The following RAD51B variants were observed in gnomAD, a reference collection of about 807,000 sequenced individuals.
The protein encoded by RAD51B is DNA repair protein RAD51 homolog 2.
A neutral mutation model predicts 42.2 loss-of-function variants in RAD51B; 38 were observed. The ratio of observed to expected loss-of-function variants is 0.90; its 90% CI spans 0.70 to 1.18. The LOEUF (loss-of-function observed/expected upper bound fraction) is 1.18, where lower values mean the gene tolerates loss of function less well. Among genes scored for constraint, RAD51B ranks in the 50% most tolerant of loss-of-function variants. The pLI, the probability that RAD51B is intolerant of heterozygous loss-of-function variation, is 0.00. For synonymous variants in RAD51B, 154 were observed against 145.2 expected (o/e 1.06, Z -0.43); for missense variants, 373 against 400.7 (o/e 0.93, Z 0.59).
At chr14:68,206,345 A>T (rs2079584462) in intron 7 of RAD51B, among the ~76,000 whole-genome samples, 1 of 152,190 alleles carries the variant, frequency 6.6e-6, no homozygotes, top group South Asian at 2.1e-4. Flanking sequence ...AGCACTGAGT[A>T]ATCAGTGGGA....
In RAD51B at chr14:68,463,917, G is replaced by T. The variant is rs1278576959; in HGVS notation, c.958-4255G>T. On this transcript the variant is annotated intron_variant, in intron 9 of 10. Transcript: ENST00000471583. ...TTGTTCCACATACTATATCTCCATT[G>T]ATATAACCTGAGAACTTGCTAGATT... is the stretch of plus-strand genomic sequence containing the variant. Among the ~76,000 whole-genome samples, 4 of 152,266 alleles carry T rather than the reference G, an allele frequency of 2.6e-5. No individual in the cohort carries two copies. In the East Asian group the frequency reaches 7.7e-4, roughly 29 times the overall value.
intron 10 of RAD51B, among the ~76,000 whole-genome samples, chr14:68,625,014 T>C (rs1892043636): frequency 6.6e-6 from 1 of 152,156 alleles, no homozygotes; most frequent in African/African-American, 2.4e-5. Context: ...ACTGTTCTTA[T>C]TTTTACTGAT....
intron 7 of RAD51B, among the ~76,000 whole-genome samples, chr14:68,027,310 C>T (rs1035356451): frequency 6.6e-6 from 1 of 152,020 alleles, no homozygotes; most frequent in Non-Finnish European, 1.5e-5. Context: ...AATCTGATGT[C>T]TGTGTGCCTC....
rs1229169566 is a variant in RAD51B at position 68,436,432 on chromosome 14, A to G, written c.957+24905A>G. Among the ~76,000 whole-genome samples the G allele has an allele frequency of 2.0e-5, 3 of 152,140 alleles. No homozygotes were observed. The East Asian group carries it at 5.8e-4, about 29-fold the overall frequency. ...GTTTGGGTTACTGTAGCATTATAGT[A>G]TAGTTTAAAGTCAGGTAATGTGATG... On this transcript the variant is annotated intron_variant, in intron 9 of 10. Transcript: ENST00000471583.
chr14:68,272,667 T>TATATA (rs58531356), intron 7 of RAD51B, among the ~76,000 whole-genome samples: 37 of 4,774 alleles, frequency 7.8e-3, no homozygotes, highest in South Asian at 0.011. Flanking sequence ...ATATATATAT[T>TATATA]TTTTTTTTTT....
chr14:68,500,672 A>C (rs1884855280), intron 10 of RAD51B, among the ~76,000 whole-genome samples: 1 of 152,210 alleles, frequency 6.6e-6, no homozygotes, highest in African/African-American at 2.4e-5. Context: ...GGGGGAGATA[A>C]AGTCAAAACT....
At chr14:68,514,266 C>G (rs1885968711) in intron 10 of RAD51B, among the ~76,000 whole-genome samples, 1 of 152,184 alleles carries the variant, frequency 6.6e-6, no homozygotes, top group Non-Finnish European at 1.5e-5. Flanking sequence ...CTCAGCTGAC[C>G]TATCTAGACC....
intron 7 of RAD51B, among the ~76,000 whole-genome samples, chr14:68,252,888 C>A (rs571605525): frequency 1.3e-5 from 2 of 152,172 alleles, no homozygotes; most frequent in Admixed American, 1.3e-4. Context: ...CGAGACCAGC[C>A]TAGCCAACAT....
At chr14:68,154,707 TTC>T (rs1491352199) in intron 7 of RAD51B, among the ~76,000 whole-genome samples, 1 of 152,140 alleles carries the variant, frequency 6.6e-6, no homozygotes, top group Non-Finnish European at 1.5e-5. Flanking sequence ...TTTTTTTTTT[TTC>T]CCTCATCTCT....
At chr14:68,676,127 CA>C (rs1490188921) in intron 11 of RAD51B, among the ~76,000 whole-genome samples, 7 of 152,212 alleles carry the variant, frequency 4.6e-5, no homozygotes, top group African/African-American at 1.7e-4. Flanking sequence ...TGAGCTCATA[CA>C]CTTGTGTTAA....
At chr14:68,290,812 AT>A in intron 7 of RAD51B, among the ~76,000 whole-genome samples, 1 of 151,612 alleles carries the variant, frequency 6.6e-6, no homozygotes, top group Non-Finnish European at 1.5e-5. Flanking sequence ...TTATTTATTT[AT>A]TTATTTATTT....
At chr14:68,450,686 T>G (rs186625342) in intron 9 of RAD51B, among the ~76,000 whole-genome samples, 1,455 of 145,416 alleles carry the variant, frequency 0.01, 21 homozygotes, top group African/African-American at 0.038. Flanking sequence ...TCCTCATGAC[T>G]CTCTGTTTTG....
At chr14:68,021,394 G>T (rs2075863310) in intron 7 of RAD51B, among the ~76,000 whole-genome samples, 1 of 152,170 alleles carries the variant, frequency 6.6e-6, no homozygotes, top group South Asian at 2.1e-4. Context: ...GCTCTCCCGT[G>T]AGATGGTGTT....
At chr14:68,330,633 A>G (rs1453122301) in intron 8 of RAD51B, among the ~76,000 whole-genome samples, 6 of 152,260 alleles carry the variant, frequency 3.9e-5, no homozygotes, top group Non-Finnish European at 2.9e-5. Context: ...TACTTCCAAC[A>G]TTCATAACAT....
chr14:68,185,485 A>G (rs577080364), intron 7 of RAD51B, among the ~76,000 whole-genome samples: 1 of 152,368 alleles, frequency 6.6e-6, no homozygotes, highest in East Asian at 1.9e-4. Flanking sequence ...TAGCAAATTT[A>G]TCAGCATTAA....
chr14:68,555,358 C>T (rs1435020684), intron 10 of RAD51B, among the ~76,000 whole-genome samples: 2 of 152,234 alleles, frequency 1.3e-5, no homozygotes, highest in Admixed American at 6.5e-5. Context: ...AAGAAACCCA[C>T]ACTGGCTCTT....
intron 10 of RAD51B, among the ~76,000 whole-genome samples, chr14:68,505,581 C>T (rs1455257505): frequency 7.4e-6 from 1 of 134,312 alleles, no homozygotes; most frequent in Non-Finnish European, 1.5e-5. Flanking sequence ...GACGGAGTCT[C>T]GCTCCGTTGC....
intron 9 of RAD51B, among the ~76,000 whole-genome samples, chr14:68,463,168 G>A (rs1300074789): frequency 1.3e-5 from 2 of 152,166 alleles, no homozygotes; most frequent in Non-Finnish European, 2.9e-5. Context: ...ACCTGCTGGG[G>A]GGTTGTCTGC....
chr14:68,565,164 G>A lies in RAD51B; in HGVS notation c.1037-29321G>A, dbSNP rs908197705. ...AAGCGCTCACTATAAGAAGGTCAGG[G>A]GACCCTTTTCTCATTCCAGTCCTTG... is the stretch of plus-strand genomic sequence containing the variant. On this transcript the variant is annotated intron_variant, in intron 10 of 10. Transcript: ENST00000487270. This position sits in a 1 kb window ranked among gnomAD's most constrained non-coding sequence, Gnocchi z 4.1. Among the ~76,000 whole-genome samples, 3 of 152,118 alleles carry A rather than the reference G, an allele frequency of 2.0e-5. No homozygotes were observed. The highest frequency in any genetic ancestry group is 4.4e-5 in the Non-Finnish European group (3 of 68,028).
Sources: gnomAD v4.1 joint callset for allele counts (sites outside exome capture counted in the v4.1 genomes callset) on GRCh38, gnomAD v4.1.1 for gene constraint, Gnocchi (gnomAD v3.1) non-coding constraint, MANE v1.5 for transcripts, NCBI Gene and HGNC (gene_info 2026-07-23, HGNC 2026-07-21) for gene names.